The following ZNF662 variants were observed in gnomAD, a reference collection of about 807,000 sequenced individuals.
ZNF662 encodes the protein zinc finger protein 662.
A neutral mutation model predicts 12.4 loss-of-function variants in ZNF662; 14 were observed. The observed-to-expected ratio is 1.13, with a 90% CI of 0.75 to 1.77. The LOEUF (loss-of-function observed/expected upper bound fraction) is 1.77, where lower values mean the gene tolerates loss of function less well. Among genes scored for constraint, ZNF662 ranks in the 40% most tolerant of loss-of-function variants. The pLI is 0.00. For missense variants in ZNF662, 550 were observed against 515.6 expected, an observed-to-expected ratio of 1.07 and a Z score of -0.65; for synonymous variants, 184 against 176.4, an observed-to-expected ratio of 1.04 and a Z score of -0.34.
Position 42,915,168 on chromosome 3 carries a change from T to C in ZNF662, c.1095T>C (p.Cys365=). ...ACAAGCCTCATGAATGTACTGACTG[T>C]GGGAAAAGCTTCTTTTGCAAGGCAC... ...TGDKPHECTD[C]GKSFFCKAHL... is the part of the protein sequence containing the mutation. Residue 365 remains cysteine (C), a synonymous_variant, in exon 5 of 5, where the codon TGT becomes TGC. Transcript: ENST00000440367. 6.2e-7 allele frequency: 1 copy of C among 1,614,150 alleles called. No homozygotes were observed. The highest frequency in any genetic ancestry group is 8.5e-7 in the Non-Finnish European group (1 of 1,180,014).
Position 42,914,559 on chromosome 3 carries a change from G to C in ZNF662, c.486G>C (p.Glu162Asp), listed in dbSNP as rs1343984047. 3 of 1,614,146 alleles carry C rather than the reference G, an allele frequency of 1.9e-6. No individual in the cohort carries two copies. Among genetic ancestry groups the C allele is most frequent in the Middle Eastern group, 1.6e-4 (1 of 6,062 alleles). Reference sequence around the variant, plus strand: ...TTATAGAAGTGATTGTCAAGGATGAGATGATCTCAGTAGAAGAGAGTTCAG... The same window carrying C: ...TTATAGAAGTGATTGTCAAGGATGACATGATCTCAGTAGAAGAGAGTTCAG... ...NDIIEVIVKDEMISVEESSGN... is the reference protein window; with the variant it reads ...NDIIEVIVKDDMISVEESSGN... Residue 162 changes from glutamate to aspartate, a missense_variant, in exon 5 of 5, where the codon GAG becomes GAC. Transcript: ENST00000440367.
In ZNF662 at chr3:42,918,233, G is replaced by A. The variant is rs1475803595; in HGVS notation, c.*2879G>A. 6.6e-6 allele frequency among the ~76,000 whole-genome samples: 1 copy of A among 152,082 alleles called. No homozygotes were observed. Among genetic ancestry groups the A allele is most frequent in the Non-Finnish European group, 1.5e-5 (1 of 68,028 alleles). ...TTGCTCCTTAGTTCAGCTAAAATCT[G>A]GGTTCTTGTCTCATGACCAGGAAAA... On this transcript the variant is annotated 3_prime_UTR_variant, in exon 5 of 5. Transcript: ENST00000440367.
chr3:42,909,005 A>C, intron 3 of ZNF662, 96 bp downstream of exon 3: 1 of 752,522 alleles, frequency 1.3e-6, no homozygotes, highest in Non-Finnish European at 2.1e-6. Flanking sequence ...AGTGTTGTAG[A>C]CACTAGTGGG....
rs2088907382 is a variant in ZNF662 at position 42,917,554 on chromosome 3, C to G, written c.*2200C>G. On this transcript the variant is annotated 3_prime_UTR_variant, in exon 5 of 5. Coordinates refer to ENST00000440367, the MANE Select transcript of ZNF662 (RefSeq NM_207404.4). ...AGAGAAACTAGGTCCTTGGTGACATCTTTTGAGCCACTAGACCAAGCTTTA... is the reference window on the plus strand; with the variant it reads ...AGAGAAACTAGGTCCTTGGTGACATGTTTTGAGCCACTAGACCAAGCTTTA... 1 of 702,792 alleles carries G rather than the reference C, an allele frequency of 1.4e-6. No individual in the cohort carries two copies. Among genetic ancestry groups the G allele is most frequent in the Non-Finnish European group, 2.6e-6 (1 of 384,972 alleles). 43.5% of individuals were successfully genotyped at this position (702,792 alleles called of 1,614,324 possible).
At position 42,906,589 on chromosome 3, in the gene ZNF662, C is replaced by T. The variant is rs937956687; in HGVS notation, c.-94+421C>T. On this transcript the variant is annotated intron_variant, in intron 1 of 4. Coordinates refer to ENST00000440367, the MANE Select transcript of ZNF662 (RefSeq NM_207404.4). This position sits in a 1 kb window ranked among gnomAD's most constrained non-coding sequence, Gnocchi z 4.4. ...AGGCAGCACAGCGGAGTCGACACCC[C>T]TGGACCTGAGCCTCAAGGAGAGCAG... 101 of 703,018 alleles carry T rather than the reference C, an allele frequency of 1.4e-4. No homozygotes were observed. Among genetic ancestry groups the T allele is most frequent in the Non-Finnish European group, 2.0e-4 (92 of 459,746 alleles). 43.5% of individuals were successfully genotyped at this position (703,018 alleles called of 1,614,324 possible).
At position 42,918,005 on chromosome 3, in the gene ZNF662, C is replaced by G. The variant is rs2088911430; in HGVS notation, c.*2651C>G. On this transcript the variant is annotated 3_prime_UTR_variant, in exon 5 of 5. Transcript: ENST00000440367. ...CCAGTAATCTCAGCTACTCAGGAGG[C>G]TGAGGCAGGAGAATTGCTTGAATCT... is the stretch of plus-strand genomic sequence containing the variant. 6.6e-6 allele frequency among the ~76,000 whole-genome samples: 1 copy of G among 152,212 alleles called. No individual in the cohort carries two copies. The highest frequency in any genetic ancestry group is 2.1e-4 in the South Asian group (1 of 4,834).
chr3:42,918,429 C>T lies in ZNF662; in HGVS notation c.*3075C>T, dbSNP rs780139025. The stretch of plus-strand genomic sequence containing the variant: ...CTAGTCTTCTCCCCCTGCATGAATT[C>T]CTGGTGGCTACACCCCGTTCTCCCA... On this transcript the variant is annotated 3_prime_UTR_variant, in exon 5 of 5. Coordinates refer to ENST00000440367, the MANE Select transcript of ZNF662 (RefSeq NM_207404.4). Among the ~76,000 whole-genome samples the T allele has an allele frequency of 2.6e-5, 4 of 152,144 alleles. No homozygotes were observed. The highest frequency in any genetic ancestry group is 4.4e-5 in the Non-Finnish European group (3 of 68,032).
Position 42,906,340 on chromosome 3 carries a change from G to A in ZNF662, c.-94+172G>A. 1 of 1,529,038 alleles carries A rather than the reference G, an allele frequency of 6.5e-7. No homozygotes were observed. The highest frequency in any genetic ancestry group is 8.8e-7 in the Non-Finnish European group (1 of 1,142,644). The allele number at this position is 1,529,038 out of a possible 1,614,324, so 94.7% of individuals were successfully genotyped here. A position where few individuals can be genotyped will look rare whatever the true frequency, so the allele number is the denominator to read the frequency against. On this transcript the variant is annotated intron_variant, in intron 1 of 4. Transcript: ENST00000440367. The surrounding 1 kb of genome is among the most constrained non-coding windows in gnomAD (Gnocchi z 4.4). ...TGGCGCGCCCTCGCTTTCCCAGAGG[G>A]CGACCTGGGCTATGGCGGCCGTGGC...
intron 3 of ZNF662, 95 bp downstream of exon 3, chr3:42,909,004 G>A: frequency 3.6e-5 from 27 of 745,444 alleles, no homozygotes; most frequent in Non-Finnish European, 5.7e-5. Flanking sequence ...TAGTGTTGTA[G>A]ACACTAGTGG....
chr3:42,919,099 T>G lies in ZNF662; in HGVS notation c.*3745T>G, dbSNP rs190145632. 2.0e-5 allele frequency among the ~76,000 whole-genome samples: 3 copies of G among 152,322 alleles called. No individual in the cohort carries two copies. In the East Asian group the frequency reaches 5.8e-4, roughly 29 times the overall value. Reference sequence around the variant, plus strand: ...AGAACTAGAATATTGATCCAGATTTTTACATTACTCATCCCTTTTGCTGCT... The same window carrying G: ...AGAACTAGAATATTGATCCAGATTTGTACATTACTCATCCCTTTTGCTGCT... On this transcript the variant is annotated 3_prime_UTR_variant, in exon 5 of 5. Coordinates refer to ENST00000440367, the MANE Select transcript of ZNF662 (RefSeq NM_207404.4).
Position 42,914,583 on chromosome 3 carries a change from A to G in ZNF662, c.510A>G (p.Ser170=). 6.2e-7 allele frequency: 1 copy of G among 1,614,210 alleles called. No individual in the cohort carries two copies. Among genetic ancestry groups the G allele is most frequent in the Non-Finnish European group, 8.5e-7 (1 of 1,180,026 alleles). Residue 170 remains serine (S), a synonymous_variant, in exon 5 of 5, where the codon TCA becomes TCG. Coordinates refer to ENST00000440367, the MANE Select transcript of ZNF662 (RefSeq NM_207404.4). ...KDEMISVEES[S]GNTDVNNLLG... Reference sequence around the variant, plus strand: ...AGATGATCTCAGTAGAAGAGAGTTCAGGGAATACTGATGTCAATAACCTCC... The same window carrying G: ...AGATGATCTCAGTAGAAGAGAGTTCGGGGAATACTGATGTCAATAACCTCC...
rs533270013 is a variant in ZNF662 at position 42,906,278 on chromosome 3, G to A, written c.-94+110G>A. ...CGTGTCAGGCCTGCCCAGGTGCAGA[G>A]CGCTCTTCCGCGACCCCAACAGCCT... On this transcript the variant is annotated intron_variant, in intron 1 of 4. Transcript: ENST00000440367. The surrounding 1 kb of genome is among the most constrained non-coding windows in gnomAD (Gnocchi z 4.4). 9.6e-5 allele frequency: 136 copies of A among 1,412,250 alleles called. 1 individual carries two copies. In the Middle Eastern group the frequency reaches 1.5e-3, roughly 15 times the overall value. 87.5% of individuals were successfully genotyped at this position (1,412,250 alleles called of 1,614,324 possible). A position where few individuals can be genotyped will look rare whatever the true frequency, so the allele number is the denominator to read the frequency against.
Position 42,911,407 on chromosome 3 carries a change from G to A in ZNF662, c.152-1794G>A, listed in dbSNP as rs183526998. On this transcript the variant is annotated intron_variant, in intron 3 of 4. Coordinates refer to ENST00000440367, the MANE Select transcript of ZNF662 (RefSeq NM_207404.4). ...AGGGGTATGGGGAGACCACCACAGC[G>A]TCTTCTGCATTCTTAGTGCTTCCTC... Among the ~76,000 whole-genome samples the A allele has an allele frequency of 1.3e-4, 20 of 152,302 alleles. No individual in the cohort carries two copies. In the East Asian group the frequency reaches 2.7e-3, roughly 21 times the overall value.
In ZNF662 at chr3:42,906,469, A is replaced by C; in HGVS notation, c.-94+301A>C. 7.1e-7 allele frequency: 1 copy of C among 1,415,186 alleles called. No homozygotes were observed. The highest frequency in any genetic ancestry group is 1.5e-5 in the South Asian group (1 of 66,590). 87.7% of individuals were successfully genotyped at this position (1,415,186 alleles called of 1,614,324 possible). Reference sequence around the variant, plus strand: ...GAGTGCGGGGCCGGAGCCTGGAAGCAGTCTTGGCCCTGCCCTGGGTTCTAG... The same window carrying C: ...GAGTGCGGGGCCGGAGCCTGGAAGCCGTCTTGGCCCTGCCCTGGGTTCTAG... On this transcript the variant is annotated intron_variant, in intron 1 of 4. Transcript: ENST00000440367. The surrounding 1 kb of genome is among the most constrained non-coding windows in gnomAD (Gnocchi z 4.4).
At chr3:42,907,739 G>A in intron 1 of ZNF662, 1 of 985,442 alleles carries the variant, frequency 1.0e-6, no homozygotes, top group Non-Finnish European at 1.2e-6. Context: ...CACAGATGTG[G>A]TTTGGGGTAT....
chr3:42,908,179 C>T, intron 2 of ZNF662, 31 bp downstream of exon 2: 1 of 1,591,324 alleles, frequency 6.3e-7, no homozygotes, highest in Non-Finnish European at 8.6e-7. Context: ...GCCCTGCCTC[C>T]ACCCTTGAGA....
At position 42,906,400 on chromosome 3, in the gene ZNF662, G is replaced by T; in HGVS notation, c.-94+232G>T. The T allele has an allele frequency of 6.6e-7, 1 of 1,517,450 alleles. No homozygotes were observed. Among genetic ancestry groups the T allele is most frequent in the Non-Finnish European group, 8.8e-7 (1 of 1,137,388 alleles). The allele number at this position is 1,517,450 out of a possible 1,614,324, so 94.0% of individuals were successfully genotyped here. On this transcript the variant is annotated intron_variant, in intron 1 of 4. Coordinates refer to ENST00000440367, the MANE Select transcript of ZNF662 (RefSeq NM_207404.4). The surrounding 1 kb of genome is among the most constrained non-coding windows in gnomAD (Gnocchi z 4.4). Reference sequence around the variant, plus strand: ...CGGGACACGCCTCGGCCTTGTCCTCGAGCTGCTCCCGGGACAGCCCGCGCT... The same window carrying T: ...CGGGACACGCCTCGGCCTTGTCCTCTAGCTGCTCCCGGGACAGCCCGCGCT...
At position 42,915,030 on chromosome 3, in the gene ZNF662, T is replaced by C. The variant is rs756547134; in HGVS notation, c.957T>C (p.Leu319=). ...AAAGCTTTACTCGAAACCCAGCCCTTCTTCGACATCAGAGAATGCACACTG... is the reference window on the plus strand; with the variant it reads ...AAAGCTTTACTCGAAACCCAGCCCTCCTTCGACATCAGAGAATGCACACTG... ...CGKSFTRNPA[L]LRHQRMHTGE... Residue 319 remains leucine (L), a synonymous_variant, in exon 5 of 5, where the codon CTT becomes CTC. Transcript: ENST00000440367. 2.5e-6 allele frequency: 4 copies of C among 1,613,864 alleles called. No individual in the cohort carries two copies. The highest frequency in any genetic ancestry group is 2.7e-5 in the African/African-American group (2 of 74,864).
Position 42,906,358 on chromosome 3 carries a change from G to A in ZNF662, c.-94+190G>A. On this transcript the variant is annotated intron_variant, in intron 1 of 4. Transcript: ENST00000440367. This position sits in a 1 kb window ranked among gnomAD's most constrained non-coding sequence, Gnocchi z 4.4. ...CCAGAGGGCGACCTGGGCTATGGCG[G>A]CCGTGGCGCTGGCGAGCGGGACACG... 3 of 1,528,510 alleles carry A rather than the reference G, an allele frequency of 2.0e-6. No individual in the cohort carries two copies. Among genetic ancestry groups the A allele is most frequent in the South Asian group, 1.2e-5 (1 of 83,254 alleles). 94.7% of individuals were successfully genotyped at this position (1,528,510 alleles called of 1,614,324 possible).
Sources: gnomAD v4.1 joint callset for allele counts (sites outside exome capture counted in the v4.1 genomes callset) on GRCh38, gnomAD v4.1.1 for gene constraint, Gnocchi (gnomAD v3.1) non-coding constraint, MANE v1.5 for transcripts, NCBI Gene and HGNC (gene_info 2026-07-23, HGNC 2026-07-21) for gene names.